The following CDH13 variants were observed in gnomAD, a reference collection of about 807,000 sequenced individuals.
CDH13 encodes cadherin-13.
In CDH13, 24 loss-of-function variants were observed where a neutral mutation model predicts 63.8. That is an observed-to-expected ratio of 0.38 (90% CI 0.27 to 0.53). CDH13 has a LOEUF of 0.53. Ranked by LOEUF, CDH13 falls within the 20% of genes least tolerant of loss-of-function variation. The pLI is 0.85. For synonymous variants in CDH13, 503 were observed against 355.3 expected, an observed-to-expected ratio of 1.42 and a Z score of -4.67; for missense variants, 1,049 against 903.1, an observed-to-expected ratio of 1.16 and a Z score of -2.07.
chr16:83,384,588 C>G (rs1394934153), intron 6 of CDH13, among the ~76,000 whole-genome samples: 1 of 152,190 alleles, frequency 6.6e-6, no homozygotes, highest in Non-Finnish European at 1.5e-5. Context: ...ATGGTTCTGC[C>G]AAAGGCATGG....
At chr16:83,089,572 C>T (rs1185896272) in intron 3 of CDH13, among the ~76,000 whole-genome samples, 1 of 152,176 alleles carries the variant, frequency 6.6e-6, no homozygotes, top group African/African-American at 2.4e-5. Flanking sequence ...AACCCCAGGG[C>T]TTGGTGCCTG....
intron 4 of CDH13, among the ~76,000 whole-genome samples, chr16:83,142,615 C>G (rs1363888538): frequency 6.6e-6 from 1 of 152,140 alleles, no homozygotes; most frequent in Non-Finnish European, 1.5e-5. Flanking sequence ...ACTGATCACA[C>G]CAGTGATTAA....
chr16:83,737,966 G>A (rs1276959848), intron 10 of CDH13, among the ~76,000 whole-genome samples: 1 of 152,188 alleles, frequency 6.6e-6, no homozygotes, highest in Non-Finnish European at 1.5e-5. Context: ...AGGTTGATGA[G>A]GCAATGGCAG....
intron 1 of CDH13, among the ~76,000 whole-genome samples, chr16:82,855,257 G>A (rs996474065): frequency 2.0e-5 from 3 of 152,154 alleles, no homozygotes; most frequent in Non-Finnish European, 2.9e-5. Flanking sequence ...TAATCTCAGA[G>A]ATTGAGCCAC....
intron 8 of CDH13, among the ~76,000 whole-genome samples, chr16:83,663,268 A>T (rs1028987713): frequency 6.6e-6 from 1 of 152,204 alleles, no homozygotes; most frequent in Non-Finnish European, 1.5e-5. Context: ...TGTTTTCAGC[A>T]GGGACTGGGG....
intron 1 of CDH13, among the ~76,000 whole-genome samples, chr16:82,663,587 A>G (rs1912234796): frequency 6.6e-6 from 1 of 152,208 alleles, no homozygotes; most frequent in South Asian, 2.1e-4. Flanking sequence ...TGTCAGATTT[A>G]TCATTCTTTG....
intron 10 of CDH13, among the ~76,000 whole-genome samples, chr16:83,711,926 A>G (rs558478779): frequency 2.6e-5 from 4 of 152,336 alleles, no homozygotes; most frequent in South Asian, 4.1e-4. Context: ...ATTTCTTACA[A>G]TTCTGTAGGT....
rs565362205 is a variant in CDH13, at chr16:83,570,029, C to G, written c.961-32425C>G. ...GGATTACAGGAGTGAGCCACCGTGC[C>G]CAGCCAGGAGCCAGTGGTTTTAAAC... On this transcript the variant is annotated intron_variant, in intron 7 of 13. Transcript: ENST00000567109. 6.6e-5 allele frequency among the ~76,000 whole-genome samples: 10 copies of G among 152,220 alleles called. No homozygotes were observed. In the East Asian group the frequency reaches 1.9e-3, roughly 29 times the overall value.
intron 7 of CDH13, among the ~76,000 whole-genome samples, chr16:83,593,986 C>T (rs573701933): frequency 2.0e-5 from 3 of 152,304 alleles, no homozygotes; most frequent in East Asian, 3.9e-4. Flanking sequence ...TCACAGTTTC[C>T]CTGCTCAGGA....
intron 6 of CDH13, among the ~76,000 whole-genome samples, chr16:83,371,944 C>A (rs755196044): frequency 6.6e-6 from 1 of 152,182 alleles, no homozygotes; most frequent in Non-Finnish European, 1.5e-5. Context: ...TAATCATCCC[C>A]CGGACCGTAT....
intron 1 of CDH13, among the ~76,000 whole-genome samples, chr16:82,678,826 C>G (rs1485858705): frequency 6.6e-6 from 1 of 152,150 alleles, no homozygotes; most frequent in African/African-American, 2.4e-5. Flanking sequence ...GCCCAGTACT[C>G]ACAGCAAAAT....
chr16:83,334,361 T>TCTCTCACA (rs1272779883), intron 5 of CDH13, among the ~76,000 whole-genome samples: 32,160 of 84,592 alleles, frequency 0.38, 5,311 homozygotes, highest in East Asian at 0.51. Context: ...TCTCTCTCTC[T>TCTCTCACA]CACACACACA....
At chr16:83,714,302 T>G (rs1908556737) in intron 10 of CDH13, among the ~76,000 whole-genome samples, 1 of 152,184 alleles carries the variant, frequency 6.6e-6, no homozygotes, top group African/African-American at 2.4e-5. Flanking sequence ...AAAGATTGAT[T>G]TTTATTATCG....
chr16:83,203,661 CAAAA>C (rs61444893), intron 4 of CDH13, among the ~76,000 whole-genome samples: 2 of 84,162 alleles, frequency 2.4e-5, no homozygotes, highest in African/African-American at 4.9e-5. Flanking sequence ...GACTCCATCT[CAAAA>C]AAAAAAAAAA....
intron 1 of CDH13, chr16:82,705,088 A>T (rs1055952546): frequency 1.5e-5 from 7 of 455,542 alleles, no homozygotes; most frequent in African/African-American, 6.0e-5. Context: ...CCATATACCT[A>T]TGTCAAAACC....
intron 8 of CDH13, among the ~76,000 whole-genome samples, chr16:83,652,350 C>T (rs1236724791): frequency 1.3e-5 from 2 of 152,280 alleles, no homozygotes; most frequent in African/African-American, 2.4e-5. Flanking sequence ...GCATCACGAG[C>T]CTAACCAAGT....
intron 2 of CDH13, among the ~76,000 whole-genome samples, chr16:82,958,230 T>C (rs1387111974): frequency 6.6e-6 from 1 of 152,218 alleles, no homozygotes; most frequent in East Asian, 1.9e-4. Flanking sequence ...GAATACCTAC[T>C]TAACAATTGT....
intron 3 of CDH13, among the ~76,000 whole-genome samples, chr16:83,096,162 C>T (rs973505581): frequency 6.6e-6 from 1 of 152,122 alleles, no homozygotes; most frequent in African/African-American, 2.4e-5. Flanking sequence ...TAGCCTGTAC[C>T]AGCTATCATT....
intron 10 of CDH13, among the ~76,000 whole-genome samples, chr16:83,680,963 G>C (rs1915355223): frequency 2.0e-5 from 3 of 152,002 alleles, no homozygotes; most frequent in Admixed American, 1.3e-4. Context: ...TCTGTAGAGG[G>C]AAGAGGGAAG....
Sources: gnomAD v4.1 joint callset for allele counts (sites outside exome capture counted in the v4.1 genomes callset) on GRCh38, gnomAD v4.1.1 for gene constraint, MANE v1.5 for transcripts, NCBI Gene and HGNC (gene_info 2026-07-23, HGNC 2026-07-21) for gene names.